The following PTPRG variants were observed in gnomAD, a reference collection of about 807,000 sequenced individuals.
PTPRG encodes protein tyrosine phosphatase receptor type G.
A neutral mutation model predicts 165.3 loss-of-function variants in PTPRG; 102 were observed. The ratio of observed to expected loss-of-function variants is 0.62; its 90% CI spans 0.53 to 0.73. The LOEUF is 0.73. Among genes scored for constraint, PTPRG ranks in the 30% least tolerant of loss-of-function variants. The pLI is 0.00. For missense variants in PTPRG, 1,866 were observed against 1,861.4 expected, an observed-to-expected ratio of 1.00 and a Z score of -0.05; for synonymous variants, 675 against 669.5, an observed-to-expected ratio of 1.01 and a Z score of -0.13.
chr3:62,167,327 T>C (rs2106732202), intron 7 of PTPRG, among the ~76,000 whole-genome samples: 1 of 152,334 alleles, frequency 6.6e-6, no homozygotes, highest in Admixed American at 6.5e-5. Flanking sequence ...TTGGCGACTT[T>C]GCCAAACTTG....
chr3:62,017,853 T>C (rs907434180), intron 4 of PTPRG, among the ~76,000 whole-genome samples: 2 of 152,248 alleles, frequency 1.3e-5, no homozygotes, highest in African/African-American at 2.4e-5. Context: ...GCTGTTAATA[T>C]GTACATGAGC....
chr3:62,223,260 A>G (rs1209803515), intron 13 of PTPRG, among the ~76,000 whole-genome samples: 1 of 152,136 alleles, frequency 6.6e-6, no homozygotes, highest in Non-Finnish European at 1.5e-5. Context: ...CTGTGTCTAG[A>G]GACTGTAACA....
intron 1 of PTPRG, among the ~76,000 whole-genome samples, chr3:61,623,345 C>A (rs770127227): frequency 6.6e-6 from 1 of 152,184 alleles, no homozygotes; most frequent in Non-Finnish European, 1.5e-5. Flanking sequence ...GAGGACAGAA[C>A]AACTGCATGG....
At chr3:61,787,630 C>A (rs1296504507) in intron 2 of PTPRG, among the ~76,000 whole-genome samples, 6 of 152,198 alleles carry the variant, frequency 3.9e-5, no homozygotes, top group Admixed American at 2.0e-4. Flanking sequence ...TGATCACTGA[C>A]CCCAGACCTT....
chr3:61,738,292 A>G (rs1340273270), intron 1 of PTPRG, among the ~76,000 whole-genome samples: 2,862 of 74,018 alleles, frequency 0.039, 396 homozygotes, highest in African/African-American at 0.098. Context: ...ATATATATAT[A>G]TATATATATA....
At chr3:62,286,978 C>A (rs868512749) in intron 28 of PTPRG, among the ~76,000 whole-genome samples, 1 of 151,994 alleles carries the variant, frequency 6.6e-6, no homozygotes, top group Admixed American at 6.6e-5. Context: ...ATTTGACTTG[C>A]GAGTTTCTTG....
intron 1 of PTPRG, among the ~76,000 whole-genome samples, chr3:61,684,924 T>C (rs971324296): frequency 5.9e-5 from 9 of 152,114 alleles, no homozygotes; most frequent in African/African-American, 2.2e-4. Flanking sequence ...GTGAATCCCT[T>C]CCCTGCCATT....
intron 2 of PTPRG, among the ~76,000 whole-genome samples, chr3:61,969,457 A>G (rs1009855772): frequency 1.3e-5 from 2 of 152,252 alleles, no homozygotes; most frequent in African/African-American, 4.8e-5. Context: ...TTTTGGGTAC[A>G]CAGTAGTCCC....
At chr3:62,087,599 T>C (rs1036600156) in intron 5 of PTPRG, among the ~76,000 whole-genome samples, 2 of 152,190 alleles carry the variant, frequency 1.3e-5, no homozygotes, top group Non-Finnish European at 2.9e-5. Context: ...AGCTGAGACA[T>C]GGAGCTTTTT....
intron 4 of PTPRG, among the ~76,000 whole-genome samples, chr3:62,030,074 C>T (rs1023443641): frequency 6.6e-6 from 1 of 152,096 alleles, no homozygotes; most frequent in Admixed American, 6.5e-5. Context: ...CTGAATTACT[C>T]AAGTTTTAAA....
chr3:61,816,301 G>A (rs2035760230), intron 2 of PTPRG, among the ~76,000 whole-genome samples: 2 of 152,122 alleles, frequency 1.3e-5, no homozygotes, highest in African/African-American at 2.4e-5. Context: ...AAGATGAGGC[G>A]GGCAGATCAC....
rs564761041 is a variant in PTPRG at position 62,166,197 on chromosome 3, C to CTTTTTTTTTTTTTTT, written c.841-1752_841-1738dup. Among the ~76,000 whole-genome samples, 15 of 53,932 alleles carry CTTTTTTTTTTTTTTT rather than the reference C, an allele frequency of 2.8e-4. 5 individuals carry two copies. Among genetic ancestry groups the CTTTTTTTTTTTTTTT allele is most frequent in the African/African-American group, 5.2e-4 (7 of 13,382 alleles). 35.4% of individuals were successfully genotyped at this position (53,932 alleles called of 152,430 possible). A position where few individuals can be genotyped will look rare whatever the true frequency, so the allele number is the denominator to read the frequency against. The stretch of plus-strand genomic sequence containing the variant: ...TGGCTGCATATTTCAAATTACAGTT[C>CTTTTTTTTTTTTTTT]TTTTTTTTTTTTTTTTTTTTTTTTT... On this transcript the variant is annotated intron_variant, in intron 7 of 29. Coordinates refer to ENST00000474889, the MANE Select transcript of PTPRG (RefSeq NM_002841.4).
In PTPRG at chr3:61,948,672, G is replaced by C. The variant is rs143256277; in HGVS notation, c.191-40953G>C. On this transcript the variant is annotated intron_variant, in intron 2 of 29. Coordinates refer to ENST00000474889, the MANE Select transcript of PTPRG (RefSeq NM_002841.4). ...GAGAAAAGGAAGGGAGGGATGGAGA[G>C]AGGTTTGAATACCTCCAAAGTGGAG... Among the ~76,000 whole-genome samples the C allele has an allele frequency of 2.5e-3, 379 of 152,232 alleles. 2 individuals carry two copies. The highest frequency in any genetic ancestry group is 8.8e-3 in the African/African-American group (364 of 41,552).
At position 62,195,459 on chromosome 3, in the gene PTPRG, G is replaced by C. The variant is rs547776488; in HGVS notation, c.1327+289G>C. Among the ~76,000 whole-genome samples, 1 of 152,254 alleles carries C rather than the reference G, an allele frequency of 6.6e-6. No homozygotes were observed. The highest frequency in any genetic ancestry group is 1.9e-4 in the East Asian group (1 of 5,172). On this transcript the variant is annotated intron_variant, in intron 10 of 29. Coordinates refer to ENST00000474889, the MANE Select transcript of PTPRG (RefSeq NM_002841.4). This position sits in a 1 kb window ranked among gnomAD's most constrained non-coding sequence, Gnocchi z 4.4. ...GCCTTTTTCTCGGTCACTGTCCAGC[G>C]CTGTGTCAGATCACACAATCACTTC...
intron 2 of PTPRG, among the ~76,000 whole-genome samples, chr3:61,925,398 A>G (rs543153366): frequency 1.3e-5 from 2 of 152,308 alleles, no homozygotes; most frequent in East Asian, 3.9e-4. Context: ...GCTGAGGGAA[A>G]ATGAAAAACA....
intron 17 of PTPRG, chr3:62,264,113 T>A (rs573591516): frequency 6.7e-6 from 1 of 149,126 alleles, no homozygotes; most frequent in Non-Finnish European, 1.5e-5. Context: ...GCCACTGTAC[T>A]CCATCCTGGG....
chr3:61,632,321 AC>A, intron 1 of PTPRG, among the ~76,000 whole-genome samples: 1 of 26,232 alleles, frequency 3.8e-5, no homozygotes, highest in Non-Finnish European at 6.4e-5. Context: ...ACGCACATAC[AC>A]ACACACACAC....
intron 5 of PTPRG, among the ~76,000 whole-genome samples, chr3:62,096,109 G>A (rs1210321918): frequency 6.6e-6 from 1 of 152,078 alleles, no homozygotes; most frequent in African/African-American, 2.4e-5. Flanking sequence ...GGACACATGG[G>A]CACCCCTTTG....
At chr3:61,922,257 C>G (rs1167000129) in intron 2 of PTPRG, among the ~76,000 whole-genome samples, 9 of 152,200 alleles carry the variant, frequency 5.9e-5, no homozygotes. Context: ...GCATTCTTCT[C>G]CTGGATATCT....
Sources: allele counts gnomAD v4.1 joint callset (sites outside exome capture counted in the v4.1 genomes callset), GRCh38; gene constraint gnomAD v4.1.1; non-coding constraint Gnocchi (gnomAD v3.1); transcripts MANE v1.5; gene names NCBI Gene and HGNC (gene_info 2026-07-23, HGNC 2026-07-21).